Variants in ZDHHC14 observed in about 807,000 individuals in gnomAD.
ZDHHC14 encodes the protein palmitoyltransferase ZDHHC14.
In ZDHHC14, 16 loss-of-function variants were observed where a neutral mutation model predicts 47.7. The observed-to-expected ratio is 0.34, with a 90% CI of 0.23 to 0.51. The LOEUF (loss-of-function observed/expected upper bound fraction) is 0.51. Among genes scored for constraint, ZDHHC14 ranks in the 20% least tolerant of loss-of-function variants. The pLI is 0.97. For missense variants in ZDHHC14, 515 were observed against 662.5 expected, an observed-to-expected ratio of 0.78 and a Z score of 2.44; for synonymous variants, 293 against 278.9, an observed-to-expected ratio of 1.05 and a Z score of -0.50.
chr6:157,413,427 C>T (rs1777910157), intron 1 of ZDHHC14, among the ~76,000 whole-genome samples: 1 of 152,198 alleles, frequency 6.6e-6, no homozygotes, highest in Admixed American at 6.5e-5. Context: ...TTCTATTTCA[C>T]CAACACTCAC....
chr6:157,416,986 T>TTG (rs1562416884), intron 1 of ZDHHC14, among the ~76,000 whole-genome samples: 2 of 134,204 alleles, frequency 1.5e-5, no homozygotes, highest in African/African-American at 2.8e-5. Context: ...TTTTTTTTTT[T>TTG]TTTTTTTTTT....
intron 3 of ZDHHC14, among the ~76,000 whole-genome samples, chr6:157,595,350 C>A (rs374419320): frequency 6.6e-6 from 1 of 151,746 alleles, no homozygotes; most frequent in African/African-American, 2.4e-5. Context: ...TGTCACCCTG[C>A]CCAGCTAATT....
intron 1 of ZDHHC14, among the ~76,000 whole-genome samples, chr6:157,398,581 G>A (rs985724266): frequency 6.6e-6 from 1 of 152,042 alleles, no homozygotes; most frequent in Non-Finnish European, 1.5e-5. Context: ...GTACATCAGT[G>A]TTCCCCTGCC....
intron 2 of ZDHHC14, among the ~76,000 whole-genome samples, chr6:157,557,437 A>G (rs751517655): frequency 2.0e-5 from 3 of 152,200 alleles, no homozygotes; most frequent in Non-Finnish European, 2.9e-5. Flanking sequence ...TTAGTCTCCA[A>G]TGGCTCATCC....
At chr6:157,525,076 C>T (rs1352699066) in intron 1 of ZDHHC14, among the ~76,000 whole-genome samples, 1 of 152,192 alleles carries the variant, frequency 6.6e-6, no homozygotes, top group African/African-American at 2.4e-5. Context: ...GGATTCTCCT[C>T]TCAGCTCACT....
chr6:157,647,799 C>T (rs1445843764), intron 7 of ZDHHC14, among the ~76,000 whole-genome samples: 2 of 152,206 alleles, frequency 1.3e-5, no homozygotes, highest in East Asian at 3.8e-4. Context: ...AGGGAGAAAG[C>T]CACATGGGCC....
At chr6:157,408,055 T>C (rs1777803249) in intron 1 of ZDHHC14, among the ~76,000 whole-genome samples, 2 of 152,226 alleles carry the variant, frequency 1.3e-5, no homozygotes, top group African/African-American at 4.8e-5. Context: ...TTAATGACGA[T>C]GAATCTTTAA....
intron 1 of ZDHHC14, among the ~76,000 whole-genome samples, chr6:157,451,521 T>C (rs934490539): frequency 3.9e-5 from 6 of 152,246 alleles, no homozygotes; most frequent in Non-Finnish European, 7.3e-5. Context: ...AATGAGTATA[T>C]GAATTAATGA....
At chr6:157,389,608 T>C (rs1777381846) in intron 1 of ZDHHC14, among the ~76,000 whole-genome samples, 1 of 152,224 alleles carries the variant, frequency 6.6e-6, no homozygotes, top group Non-Finnish European at 1.5e-5. Context: ...GTATTTCCTT[T>C]TATCTTTAAC....
At chr6:157,563,726 A>T (rs148697161) in intron 2 of ZDHHC14, among the ~76,000 whole-genome samples, 2,101 of 152,346 alleles carry the variant, frequency 0.014, 47 homozygotes, top group African/African-American at 0.049. Flanking sequence ...CGGATTGCAG[A>T]TGTCCAGACC....
chr6:157,467,312 G>T (rs970913255), intron 1 of ZDHHC14, among the ~76,000 whole-genome samples: 6 of 151,856 alleles, frequency 4.0e-5, no homozygotes, highest in Admixed American at 3.3e-4. Flanking sequence ...ACCAACAGTT[G>T]CTCCCCCTGT....
At chr6:157,395,370 T>C (rs1777501095) in intron 1 of ZDHHC14, among the ~76,000 whole-genome samples, 1 of 151,058 alleles carries the variant, frequency 6.6e-6, no homozygotes, top group Non-Finnish European at 1.5e-5. Flanking sequence ...CTCACTATGT[T>C]GCCCAGGCTG....
intron 2 of ZDHHC14, among the ~76,000 whole-genome samples, chr6:157,568,353 A>C (rs1231021150): frequency 1.3e-5 from 2 of 152,174 alleles, no homozygotes; most frequent in East Asian, 3.8e-4. Context: ...AATAATTAAC[A>C]TTTTTATATA....
chr6:157,503,365 G>T (rs1780232038), intron 1 of ZDHHC14, among the ~76,000 whole-genome samples: 1 of 152,166 alleles, frequency 6.6e-6, no homozygotes, highest in Non-Finnish European at 1.5e-5. Flanking sequence ...GCTTCTACTA[G>T]TCCTGTCTTT....
intron 1 of ZDHHC14, among the ~76,000 whole-genome samples, chr6:157,450,656 A>G (rs1470417686): frequency 6.6e-6 from 1 of 152,140 alleles, no homozygotes; most frequent in Admixed American, 6.5e-5. Context: ...ATAAATAAAA[A>G]CCTAACCAGT....
At chr6:157,664,132 T>C (rs113847627) in intron 8 of ZDHHC14, among the ~76,000 whole-genome samples, 2 of 152,166 alleles carry the variant, frequency 1.3e-5, no homozygotes, top group African/African-American at 2.4e-5. Context: ...AGAGGATAGG[T>C]CCCTGAGGCT....
chr6:157,655,565 C>T (rs762916284), intron 8 of ZDHHC14, among the ~76,000 whole-genome samples: 5 of 152,206 alleles, frequency 3.3e-5, no homozygotes, highest in Non-Finnish European at 5.9e-5. Context: ...ATACGTTGAT[C>T]GTTTCTCTGA....
intron 1 of ZDHHC14, among the ~76,000 whole-genome samples, chr6:157,395,170 TA>T (rs1489959166): frequency 1.3e-5 from 2 of 151,166 alleles, no homozygotes; most frequent in South Asian, 2.1e-4. Flanking sequence ...TATTTTTATT[TA>T]TTTTTTTAAG....
intron 2 of ZDHHC14, among the ~76,000 whole-genome samples, chr6:157,547,635 C>T (rs1782029148): frequency 9.4e-6 from 1 of 105,948 alleles, no homozygotes; most frequent in African/African-American, 4.3e-5. Context: ...AAGACTAAGT[C>T]AATTTAAGAC....
Sources: gnomAD v4.1 joint callset for allele counts (sites outside exome capture counted in the v4.1 genomes callset) on GRCh38, gnomAD v4.1.1 for gene constraint, MANE v1.5 for transcripts, NCBI Gene and HGNC (gene_info 2026-07-23, HGNC 2026-07-21) for gene names.